NELL2: variants seen among roughly 807,000 people sequenced by gnomAD.
The protein encoded by NELL2 is neural EGFL like 2.
NELL2 carries 41 observed loss-of-function variants against 109.6 expected under a neutral mutation model. That is an observed-to-expected ratio of 0.37 (90% CI 0.29 to 0.49). The LOEUF (loss-of-function observed/expected upper bound fraction) is 0.49, where lower values mean the gene tolerates loss of function less well. Ranked by LOEUF, NELL2 falls within the 20% of genes least tolerant of loss-of-function variation. The pLI is 0.98. For synonymous variants in NELL2, 355 were observed against 344.7 expected, an observed-to-expected ratio of 1.03 and a Z score of -0.33; for missense variants, 900 against 1,008.3, an observed-to-expected ratio of 0.89 and a Z score of 1.45.
chr12:44,600,175 T>TA (rs1033555587), intron 15 of NELL2, among the ~76,000 whole-genome samples: 1 of 129,424 alleles, frequency 7.7e-6, no homozygotes, highest in Non-Finnish European at 1.7e-5. Context: ...TTTATTTATT[T>TA]ATTTATTGTA....
At chr12:44,582,538 C>G (rs542907007) in intron 15 of NELL2, among the ~76,000 whole-genome samples, 1 of 151,944 alleles carries the variant, frequency 6.6e-6, no homozygotes, top group African/African-American at 2.4e-5. Context: ...CAAAGTTAAA[C>G]AATTAATGAA....
chr12:44,570,217 C>T (rs1248088067), intron 15 of NELL2, among the ~76,000 whole-genome samples: 1 of 152,180 alleles, frequency 6.6e-6, no homozygotes, highest in East Asian at 1.9e-4. Context: ...CTGCACACCC[C>T]CACAGGTCCC....
intron 8 of NELL2, among the ~76,000 whole-genome samples, chr12:44,775,344 AT>A (rs1045572276): frequency 2.6e-4 from 39 of 150,614 alleles, no homozygotes; most frequent in Admixed American, 3.9e-4. Flanking sequence ...ACTTTGAGAA[AT>A]TTTTTTAAAA....
intron 12 of NELL2, among the ~76,000 whole-genome samples, chr12:44,689,029 T>C (rs1186077772): frequency 6.6e-6 from 1 of 152,210 alleles, no homozygotes; most frequent in Non-Finnish European, 1.5e-5. Flanking sequence ...TCAATAATAT[T>C]ACAGGCTGTG....
At chr12:44,878,240 A>G (rs946824248), upstream of NELL2, among the ~76,000 whole-genome samples, 1 of 152,150 alleles carries the variant, frequency 6.6e-6, no homozygotes, top group Non-Finnish European at 1.5e-5. Context: ...TCCCTCCAGA[A>G]CAGTGGTATT....
intron 12 of NELL2, among the ~76,000 whole-genome samples, chr12:44,690,935 T>C (rs1465117056): frequency 6.6e-6 from 1 of 152,188 alleles, no homozygotes; most frequent in African/African-American, 2.4e-5. Context: ...TATCACTAAT[T>C]GATGACTTAA....
intron 9 of NELL2, among the ~76,000 whole-genome samples, chr12:44,716,097 G>T (rs919167812): frequency 6.6e-6 from 1 of 152,020 alleles, no homozygotes; most frequent in African/African-American, 2.4e-5. Context: ...ACCATGCCTG[G>T]TCTATTCTCT....
At chr12:44,737,928 G>A (rs552025924) in intron 9 of NELL2, among the ~76,000 whole-genome samples, 1 of 152,178 alleles carries the variant, frequency 6.6e-6, no homozygotes, top group South Asian at 2.1e-4. Context: ...GATTAACAAG[G>A]TAAAAATACA....
At chr12:44,708,804 ACTC>A (rs1339900500) in intron 11 of NELL2, among the ~76,000 whole-genome samples, 1 of 151,998 alleles carries the variant, frequency 6.6e-6, no homozygotes, top group Non-Finnish European at 1.5e-5. Context: ...CCAAGGCCCC[ACTC>A]CTATCAGTTA....
At chr12:44,908,493 T>C (rs1236911839) in intron 1 of NELL2, among the ~76,000 whole-genome samples, 1 of 151,946 alleles carries the variant, frequency 6.6e-6, no homozygotes, top group Non-Finnish European at 1.5e-5. Context: ...TTTTATATTA[T>C]GGTATTGAAT....
At chr12:44,746,210 T>C (rs1382619637) in intron 9 of NELL2, among the ~76,000 whole-genome samples, 3 of 152,216 alleles carry the variant, frequency 2.0e-5, no homozygotes, top group African/African-American at 4.8e-5. Flanking sequence ...GGATTCCCTA[T>C]TTAATAAATG....
chr12:44,769,933 T>C (rs1465704693), intron 9 of NELL2, among the ~76,000 whole-genome samples: 1 of 152,070 alleles, frequency 6.6e-6, no homozygotes, highest in Admixed American at 6.6e-5. Context: ...TAATGAGATA[T>C]TAGTTCTGGG....
At chr12:44,764,870 C>T (rs113413166) in intron 9 of NELL2, among the ~76,000 whole-genome samples, 59 of 151,966 alleles carry the variant, frequency 3.9e-4, no homozygotes, top group African/African-American at 1.4e-3. Context: ...AAAAAAAAAG[C>T]AATACTGAGC....
At chr12:44,537,054 A>T (rs1314148843) in intron 15 of NELL2, among the ~76,000 whole-genome samples, 3 of 151,964 alleles carry the variant, frequency 2.0e-5, no homozygotes, top group African/African-American at 7.2e-5. Context: ...AATAGAAAAA[A>T]AAAAACAAGC....
intron 15 of NELL2, among the ~76,000 whole-genome samples, chr12:44,569,306 C>T (rs530640727): frequency 1.6e-4 from 24 of 152,012 alleles, no homozygotes; most frequent in Non-Finnish European, 3.1e-4. Context: ...AGGTTGATTC[C>T]ATGTTTTCAC....
intron 9 of NELL2, among the ~76,000 whole-genome samples, chr12:44,716,739 T>A (rs1938508454): frequency 6.6e-6 from 1 of 152,108 alleles, no homozygotes; most frequent in Admixed American, 6.6e-5. Flanking sequence ...ATTATACGAC[T>A]TGATAACTGC....
chr12:44,743,060 G>A (rs1940094277), intron 9 of NELL2, among the ~76,000 whole-genome samples: 1 of 152,114 alleles, frequency 6.6e-6, no homozygotes, highest in African/African-American at 2.4e-5. Context: ...AGAAAGGTTG[G>A]GTTACCCTCA....
chr12:44,594,884 C>T, intron 15 of NELL2, among the ~76,000 whole-genome samples: 1 of 152,182 alleles, frequency 6.6e-6, no homozygotes, highest in Non-Finnish European at 1.5e-5. Flanking sequence ...GATTCAGTAC[C>T]TTCTGGTTTG....
chr12:44,891,743 G>A (rs750073231), intron 1 of NELL2, among the ~76,000 whole-genome samples: 1 of 152,106 alleles, frequency 6.6e-6, no homozygotes, highest in Admixed American at 6.5e-5. Context: ...ATGATTAAGG[G>A]CCAAGCATGA....
Sources: gnomAD v4.1 joint callset for allele counts (sites outside exome capture counted in the v4.1 genomes callset) on GRCh38, gnomAD v4.1.1 for gene constraint, MANE v1.5 for transcripts, NCBI Gene and HGNC (gene_info 2026-07-23, HGNC 2026-07-21) for gene names.